Variants in ENO1 observed in about 807,000 individuals in gnomAD.
ENO1 encodes enolase 1.
ENO1 carries 33 observed loss-of-function variants against 46.3 expected under a neutral mutation model. That is an observed-to-expected ratio of 0.71 (90% CI 0.54 to 0.95). ENO1 has a LOEUF of 0.95. Ranked by LOEUF, ENO1 falls within the 40% of genes least tolerant of loss-of-function variation. The pLI, the probability that ENO1 is intolerant of heterozygous loss-of-function variation, is 0.00. For missense variants in ENO1, 488 were observed against 553.3 expected (o/e 0.88, Z 1.18); for synonymous variants, 220 against 216.0 (o/e 1.02, Z -0.16).
intron 6 of ENO1, 112 bp from the exon 7 acceptor site, chr1:8,866,613 G>A (rs1474885074): frequency 4.4e-6 from 5 of 1,146,792 alleles, no homozygotes; most frequent in Admixed American, 2.0e-5. Flanking sequence ...CCCAAGACTT[G>A]CTTCTTGAGG....
intron 11 of ENO1, among the ~76,000 whole-genome samples, chr1:8,862,386 G>A (rs571789614): frequency 2.2e-4 from 34 of 152,172 alleles, no homozygotes; most frequent in Admixed American, 6.5e-4. Context: ...GGTGGCGGGC[G>A]GGGGGACAAG....
chr1:8,866,118 A>G, intron 7 of ENO1, 161 bp downstream of exon 7: 1 of 563,554 alleles, frequency 1.8e-6, no homozygotes, highest in Non-Finnish European at 3.0e-6. Flanking sequence ...AAATAAAATG[A>G]AGCTCCCCTT....
At position 8,867,997 on chromosome 1, in the gene ENO1, C is replaced by G; in HGVS notation, c.301G>C (p.Glu101Gln). The change falls in exon 5 of 12, where the codon GAA (glutamate) becomes CAA (glutamine). Residue 101 changes from glutamate (E) to glutamine (Q), a missense_variant. Physicochemically the swap from Glu to Gln is conservative, Grantham distance 29 (BLOSUM62 2). Transcript: ENST00000234590. The part of the protein sequence containing the change: ...DKLMIEMDGT[E>Q]NKSKFGANAI... ...ACCTCAGGCCACTCACATTTATTTT[C>G]TGTTCCATCCATCTCGATCATCAGT... 1.9e-6 allele frequency: 3 copies of G among 1,614,004 alleles called. No homozygotes were observed. The East Asian group carries it at 6.7e-5, about 36-fold the overall frequency.
chr1:8,866,788 T>C (rs1056033388), intron 6 of ENO1, among the ~76,000 whole-genome samples: 1 of 152,200 alleles, frequency 6.6e-6, no homozygotes, highest in African/African-American at 2.4e-5. Context: ...ACTACAGGTG[T>C]GCGCTACTGC....
At chr1:8,873,309 G>A (rs767752503) in intron 2 of ENO1, among the ~76,000 whole-genome samples, 3 of 152,182 alleles carry the variant, frequency 2.0e-5, no homozygotes, top group Non-Finnish European at 1.5e-5. Flanking sequence ...CTTCTGCTGT[G>A]AACCTAAAAC....
intron 11 of ENO1, 144 bp downstream of exon 11, chr1:8,862,741 GCT>G: frequency 1.1e-6 from 1 of 893,864 alleles, no homozygotes; most frequent in Non-Finnish European, 1.7e-6. Context: ...ACCTAAGCCT[GCT>G]CAGGGCCTGG....
intron 2 of ENO1, 96 bp from the exon 3 acceptor site, chr1:8,872,082 G>C (rs1019861773): frequency 1.9e-6 from 2 of 1,036,466 alleles, no homozygotes; most frequent in Middle Eastern, 2.1e-4. Context: ...TTGTCATTAG[G>C]GAGCTGTTTC....
chr1:8,862,889 G>C lies in ENO1; in HGVS notation c.1233C>G (p.Leu411=). 6.2e-7 allele frequency: 1 copy of C among 1,614,074 alleles called. No homozygotes were observed. Among genetic ancestry groups the C allele is most frequent in the Non-Finnish European group, 8.5e-7 (1 of 1,179,946 alleles). ...SERLAKYNQL[L]RIEEELGSKA... ...TTGTTCTCAGGAGCCCTCCTTACCT[G>C]AGGAGCTGGTTGTACTTGGCCAAGC... Residue 411 remains leucine (L), a splice_region_variant and synonymous_variant, in exon 11 of 12, where the codon CTC becomes CTG. Coordinates refer to ENST00000234590, the MANE Select transcript of ENO1 (RefSeq NM_001428.5).
At chr1:8,873,158 T>C (rs183967083) in intron 2 of ENO1, among the ~76,000 whole-genome samples, 6 of 152,216 alleles carry the variant, frequency 3.9e-5, no homozygotes, top group East Asian at 1.9e-4. Flanking sequence ...AACAAGAGGC[T>C]TGGAGTCTAC....
At chr1:8,872,673 A>G (rs1398929282) in intron 2 of ENO1, among the ~76,000 whole-genome samples, 1 of 152,130 alleles carries the variant, frequency 6.6e-6, no homozygotes, top group Non-Finnish European at 1.5e-5. Flanking sequence ...ATGAGCCACC[A>G]TGCCCAGACA....
intron 6 of ENO1, 38 bp downstream of exon 6, chr1:8,867,079 C>T (rs1420734872): frequency 6.2e-7 from 1 of 1,603,738 alleles, no homozygotes; most frequent in South Asian, 1.1e-5. Context: ...GCTGAAACCC[C>T]CAACTCCTTG....
chr1:8,867,059 C>T, intron 6 of ENO1, 58 bp downstream of exon 6: 1 of 1,590,940 alleles, frequency 6.3e-7, no homozygotes, highest in Non-Finnish European at 8.6e-7. Flanking sequence ...TCTCGGGTCC[C>T]CAACAGCAAG....
Position 8,863,347 on chromosome 1 carries a change from G to A in ENO1, c.1068-4C>T, listed in dbSNP as rs1307100853. 6.2e-7 allele frequency: 1 copy of A among 1,611,342 alleles called. No individual in the cohort carries two copies. The highest frequency in any genetic ancestry group is 8.5e-7 in the Non-Finnish European group (1 of 1,178,974). On this transcript the variant is annotated splice_region_variant and splice_polypyrimidine_tract_variant and intron_variant, in intron 9 of 11. Transcript: ENST00000234590. ...ATTGGCCTGGGCCAGCTTGCACCTG[G>A]AAGCCAAGGAACAACCCAGATGGCA...
At chr1:8,867,703 G>A (rs563073688) in intron 5 of ENO1, among the ~76,000 whole-genome samples, 69 of 152,112 alleles carry the variant, frequency 4.5e-4, no homozygotes, top group Non-Finnish European at 8.5e-4. Context: ...CTAATTTTTT[G>A]TATTTTTTAG....
intron 4 of ENO1, among the ~76,000 whole-genome samples, chr1:8,869,029 G>A (rs1464097740): frequency 6.6e-6 from 1 of 152,002 alleles, no homozygotes. Flanking sequence ...TTAATAACAA[G>A]GCATTATTTT....
Position 8,865,344 on chromosome 1 carries a change from C to T in ENO1, c.806G>A (p.Arg269Lys). The T allele has an allele frequency of 6.2e-7, 1 of 1,614,188 alleles. No homozygotes were observed. Among genetic ancestry groups the T allele is most frequent in the Non-Finnish European group, 8.5e-7 (1 of 1,180,034 alleles). The change falls in exon 8 of 12, where the codon AGG becomes AAG. Residue 269 changes from arginine (R) to lysine (K), a missense_variant. By Grantham distance (26) the Arg-to-Lys change is conservative. Transcript: ENST00000234590. ...LDFKSPDDPS[R>K]YISPDQLADL... ...AGCCAGCTGGTCAGGCGAGATGTACCTGCTGGGGTCATCGGGAGACTTGAA... is the reference window on the plus strand; with the variant it reads ...AGCCAGCTGGTCAGGCGAGATGTACTTGCTGGGGTCATCGGGAGACTTGAA...
intron 11 of ENO1, 59 bp downstream of exon 11, chr1:8,862,828 T>C (rs1642433849): frequency 1.9e-6 from 3 of 1,588,014 alleles, no homozygotes; most frequent in Admixed American, 3.5e-5. Flanking sequence ...GTGCCTACAC[T>C]GAGTGCAGGC....
At chr1:8,864,932 C>T (rs1424268866) in intron 8 of ENO1, among the ~76,000 whole-genome samples, 1 of 152,206 alleles carries the variant, frequency 6.6e-6, no homozygotes, top group African/African-American at 2.4e-5. Flanking sequence ...TGAATATTCC[C>T]AGCTCACAGG....
chr1:8,869,969 C>T (rs1485477800), intron 4 of ENO1, among the ~76,000 whole-genome samples: 3 of 152,196 alleles, frequency 2.0e-5, no homozygotes, highest in Non-Finnish European at 4.4e-5. Context: ...CCTGCAGAGT[C>T]GGGTGGGTTG....
Sources: gnomAD v4.1 joint callset for allele counts (sites outside exome capture counted in the v4.1 genomes callset) on GRCh38, gnomAD v4.1.1 for gene constraint, MANE v1.5 for transcripts, NCBI Gene and HGNC (gene_info 2026-07-23, HGNC 2026-07-21) for gene names.